TMTC2: variants seen among roughly 807,000 people sequenced by gnomAD.
The protein encoded by TMTC2 is protein O-mannosyl-transferase TMTC2.
In TMTC2, 43 loss-of-function variants were observed where a neutral mutation model predicts 82.4. The observed-to-expected ratio is 0.52, with a 90% CI of 0.41 to 0.67. The LOEUF is 0.67. TMTC2 is among the 30% of genes least tolerant of loss of function. The pLI is 0.00. For synonymous variants in TMTC2, 408 were observed against 381.9 expected (o/e 1.07, Z -0.80); for missense variants, 919 against 1,012.4 (o/e 0.91, Z 1.25).
chr12:83,132,215 G>A lies in TMTC2; in HGVS notation c.2337G>A (p.Pro779=), dbSNP rs143670365. 1.2e-5 allele frequency: 20 copies of A among 1,604,814 alleles called. No individual in the cohort carries two copies. The highest frequency in any genetic ancestry group is 2.2e-5 in the East Asian group (1 of 44,504). The change falls in exon 12 of 12, where the codon CCG becomes CCA. Residue 779 remains proline (P), a synonymous_variant. Coordinates refer to ENST00000321196, the MANE Select transcript of TMTC2 (RefSeq NM_152588.3). The stretch of plus-strand genomic sequence containing the variant: ...CCTTCTTTCTCTTGTTGCAGTATCC[G>A]GCTGCTTTGATGAACCTGGGAGCCA... ...DLAARLRPNY[P]AALMNLGAIL... is the part of the protein sequence containing the mutation.
At chr12:82,881,445 G>C (rs1026248326) in intron 2 of TMTC2, among the ~76,000 whole-genome samples, 3 of 152,122 alleles carry the variant, frequency 2.0e-5, no homozygotes, top group Admixed American at 2.0e-4. Context: ...AAATAAATTA[G>C]AGCGATTACA....
chr12:82,687,295 G>C lies in TMTC2; in HGVS notation c.-292G>C. On this transcript the variant is annotated 5_prime_UTR_variant, in exon 1 of 12. Coordinates refer to ENST00000321196, the MANE Select transcript of TMTC2 (RefSeq NM_152588.3). ...GACCCGCGCGAAAGACCAGCCCTGC[G>C]CTTCCGCCGGGGGACGCGGAGCCCA... is the stretch of plus-strand genomic sequence containing the variant. The C allele has an allele frequency of 2.0e-6, 1 of 496,206 alleles. No individual in the cohort carries two copies. The highest frequency in any genetic ancestry group is 3.7e-6 in the Non-Finnish European group (1 of 271,302). The allele number at this position is 496,206 out of a possible 1,614,324, so 30.7% of individuals were successfully genotyped here. A position where few individuals can be genotyped will look rare whatever the true frequency, so the allele number is the denominator to read the frequency against.
intron 8 of TMTC2, among the ~76,000 whole-genome samples, chr12:83,005,948 C>A (rs892701335): frequency 1.3e-5 from 2 of 152,164 alleles, no homozygotes; most frequent in African/African-American, 4.8e-5. Context: ...ATATCGATGC[C>A]TATTACCATA....
intron 11 of TMTC2, among the ~76,000 whole-genome samples, chr12:83,118,411 G>T (rs1210760988): frequency 2.0e-5 from 3 of 151,934 alleles, no homozygotes; most frequent in Admixed American, 1.3e-4. Context: ...ATGCTTTTTC[G>T]GCATCTATTA....
chr12:82,925,624 C>CA (rs1307702556), intron 3 of TMTC2, among the ~76,000 whole-genome samples: 1 of 152,104 alleles, frequency 6.6e-6, no homozygotes, highest in Non-Finnish European at 1.5e-5. Flanking sequence ...TGGCAATTCT[C>CA]ACAATATATT....
intron 8 of TMTC2, among the ~76,000 whole-genome samples, chr12:83,025,385 G>A (rs1881119897): frequency 6.7e-6 from 1 of 149,856 alleles, no homozygotes; most frequent in Non-Finnish European, 1.5e-5. Context: ...ATACATAAAT[G>A]TATTATATAT....
intron 3 of TMTC2, among the ~76,000 whole-genome samples, chr12:82,916,566 T>C (rs2137219802): frequency 6.6e-6 from 1 of 152,214 alleles, no homozygotes; most frequent in African/African-American, 2.4e-5. Flanking sequence ...CATAGTCAAA[T>C]TCAGGAATAT....
chr12:82,830,007 G>C (rs770203883), intron 1 of TMTC2, among the ~76,000 whole-genome samples: 4 of 152,132 alleles, frequency 2.6e-5, no homozygotes, highest in Non-Finnish European at 5.9e-5. Context: ...AGATAATCCT[G>C]AACTATGTAG....
intron 1 of TMTC2, among the ~76,000 whole-genome samples, chr12:82,847,829 G>A (rs1245456227): frequency 1.3e-5 from 2 of 151,994 alleles, no homozygotes; most frequent in African/African-American, 4.8e-5. Flanking sequence ...ATAGCATTAG[G>A]AGAAATACCT....
At chr12:82,861,800 A>T (rs1159879032) in intron 2 of TMTC2, among the ~76,000 whole-genome samples, 1 of 152,190 alleles carries the variant, frequency 6.6e-6, no homozygotes, top group Non-Finnish European at 1.5e-5. Flanking sequence ...TATGAATAAA[A>T]ATCAGTGTTT....
chr12:82,854,057 A>G (rs1262307017), intron 1 of TMTC2, among the ~76,000 whole-genome samples: 1 of 152,162 alleles, frequency 6.6e-6, no homozygotes, highest in African/African-American at 2.4e-5. Flanking sequence ...TAGATCCAGA[A>G]TAACATCTGG....
At chr12:82,722,098 C>T (rs1267191308) in intron 1 of TMTC2, among the ~76,000 whole-genome samples, 1 of 152,122 alleles carries the variant, frequency 6.6e-6, no homozygotes, top group East Asian at 1.9e-4. Flanking sequence ...CACCAGCTCT[C>T]CCATTTCTGC....
intron 8 of TMTC2, among the ~76,000 whole-genome samples, chr12:83,004,429 A>T (rs190097043): frequency 4.6e-5 from 7 of 152,280 alleles, no homozygotes; most frequent in Non-Finnish European, 8.8e-5. Flanking sequence ...AACTAGTGAG[A>T]TCATTTGGAG....
At chr12:82,782,202 C>T (rs1877942722) in intron 1 of TMTC2, among the ~76,000 whole-genome samples, 1 of 152,094 alleles carries the variant, frequency 6.6e-6, no homozygotes, top group South Asian at 2.1e-4. Context: ...ATCTCAGCCT[C>T]TCCTCCCACT....
intron 1 of TMTC2, among the ~76,000 whole-genome samples, chr12:82,832,124 C>A (rs1457920366): frequency 1.3e-5 from 2 of 152,132 alleles, no homozygotes; most frequent in Non-Finnish European, 2.9e-5. Context: ...TCAGGCTAGA[C>A]AGCCAGGTTA....
At chr12:82,828,364 C>A (rs1202643548) in intron 1 of TMTC2, among the ~76,000 whole-genome samples, 1 of 151,972 alleles carries the variant, frequency 6.6e-6, no homozygotes, top group African/African-American at 2.4e-5. Context: ...CATGCATGTA[C>A]CACCATTCCC....
Position 82,963,830 on chromosome 12 carries a change from T to C in TMTC2, c.1599-1194T>C, listed in dbSNP as rs1416539014. ...ATATATATATATATATATATATATA[T>C]ATATATATATATATATATATGTGAA... On this transcript the variant is annotated intron_variant, in intron 4 of 11. Transcript: ENST00000321196. Among the ~76,000 whole-genome samples the C allele has an allele frequency of 3.7e-4, 38 of 101,452 alleles. 4 individuals are homozygous for C. The highest frequency in any genetic ancestry group is 9.0e-3 in the Middle Eastern group (2 of 222). 66.6% of individuals were successfully genotyped at this position (101,452 alleles called of 152,430 possible). A position where few individuals can be genotyped will look rare whatever the true frequency, so the allele number is the denominator to read the frequency against.
intron 11 of TMTC2, among the ~76,000 whole-genome samples, chr12:83,064,832 T>G (rs931478851): frequency 2.6e-5 from 4 of 151,984 alleles, no homozygotes; most frequent in African/African-American, 9.7e-5. Context: ...TAGCTGTTTA[T>G]TACCTTTATT....
At chr12:82,741,889 A>G (rs1875427139) in intron 1 of TMTC2, among the ~76,000 whole-genome samples, 2 of 152,120 alleles carry the variant, frequency 1.3e-5, no homozygotes, top group Non-Finnish European at 1.5e-5. Context: ...TGTGGCTGGT[A>G]TTACTGGTAT....
Sources: allele counts gnomAD v4.1 joint callset (sites outside exome capture counted in the v4.1 genomes callset), GRCh38; gene constraint gnomAD v4.1.1; transcripts MANE v1.5; gene names NCBI Gene and HGNC (gene_info 2026-07-23, HGNC 2026-07-21).